The following TIAM2 variants were observed in gnomAD, a reference collection of about 807,000 sequenced individuals.
The protein encoded by TIAM2 is rho guanine nucleotide exchange factor TIAM2.
A neutral mutation model predicts 152.9 loss-of-function variants in TIAM2; 80 were observed. That is an observed-to-expected ratio of 0.52 (90% confidence interval 0.44 to 0.63). The LOEUF is 0.63. Ranked by LOEUF, TIAM2 falls within the 30% of genes least tolerant of loss-of-function variation. TIAM2 has a pLI of 0.00. For synonymous variants in TIAM2, 804 were observed against 838.0 expected, an observed-to-expected ratio of 0.96 and a Z score of 0.70; for missense variants, 1,965 against 2,120.1, an observed-to-expected ratio of 0.93 and a Z score of 1.44.
chr6:155,163,279 C>G (rs1272861783), intron 7 of TIAM2, among the ~76,000 whole-genome samples: 10 of 152,200 alleles, frequency 6.6e-5, no homozygotes, highest in Admixed American at 6.5e-4. Flanking sequence ...TGAGATTGCG[C>G]TCAACAGCTT....
chr6:155,115,852 C>T (rs146052456), intron 2 of TIAM2, among the ~76,000 whole-genome samples: 228 of 152,340 alleles, frequency 1.5e-3, no homozygotes, highest in African/African-American at 5.2e-3. Flanking sequence ...GGCGTGGTGG[C>T]TCACGCCTGT....
chr6:155,105,100 G>A (rs1245818305), intron 2 of TIAM2, among the ~76,000 whole-genome samples: 3 of 151,972 alleles, frequency 2.0e-5, no homozygotes, highest in African/African-American at 7.3e-5. Flanking sequence ...GGGACTACTG[G>A]CATGCACTAC....
intron 15 of TIAM2, among the ~76,000 whole-genome samples, chr6:155,231,821 T>C (rs1376642996): frequency 6.6e-6 from 1 of 152,236 alleles, no homozygotes; most frequent in Non-Finnish European, 1.5e-5. Flanking sequence ...GCGCCTGTAA[T>C]CCCAGTATTT....
intron 1 of TIAM2, among the ~76,000 whole-genome samples, chr6:155,062,966 ATGAAGTG>A (rs1207251720): frequency 2.6e-5 from 4 of 152,130 alleles, no homozygotes; most frequent in Admixed American, 2.6e-4. Flanking sequence ...GTCTTCTCTG[ATGAAGTG>A]TCTGTTCAGA....
rs765786977 is a variant in TIAM2 at position 155,245,661 on chromosome 6, C to T, written c.3582C>T (p.Tyr1194=). The part of the protein sequence containing the change: ...LFSLGGSFLY[Y]ADHFKLYSGF... The stretch of plus-strand genomic sequence containing the variant: ...CCCTTGGAGGCTCTTTCCTTTATTA[C>T]GCGGACCACTTTAAACTGTACAGTG... Residue 1194 remains tyrosine, a synonymous_variant, in exon 19 of 27, where the codon TAC becomes TAT. Transcript: ENST00000682666. 52 of 1,613,876 alleles carry T rather than the reference C, an allele frequency of 3.2e-5. No homozygotes were observed. The Middle Eastern group carries it at 4.9e-4, about 15-fold the overall frequency.
intron 1 of TIAM2, among the ~76,000 whole-genome samples, chr6:155,016,740 A>G (rs996969853): frequency 6.6e-6 from 1 of 151,656 alleles, no homozygotes; most frequent in Non-Finnish European, 1.5e-5. Flanking sequence ...TCTACTAAAA[A>G]TACAAAAAAA....
chr6:155,167,952 A>G (rs975704567), intron 9 of TIAM2, among the ~76,000 whole-genome samples: 2 of 152,220 alleles, frequency 1.3e-5, no homozygotes, highest in African/African-American at 4.8e-5. Flanking sequence ...TGAGCCTAAT[A>G]TGGTTTTTAC....
chr6:155,194,197 C>T lies in TIAM2; in HGVS notation c.3064+10697C>T, dbSNP rs114803532. Among the ~76,000 whole-genome samples, 1,069 of 152,168 alleles carry T rather than the reference C, an allele frequency of 7.0e-3. 15 individuals are homozygous for T. The highest frequency in any genetic ancestry group is 0.023 in the African/African-American group (969 of 41,516). Reference sequence around the variant, plus strand: ...AGGCGCAGAGAAGCCGGGAGGAGGCCGGGGCTGTCTAGCTGTGGGGAGGTG... The same window carrying T: ...AGGCGCAGAGAAGCCGGGAGGAGGCTGGGGCTGTCTAGCTGTGGGGAGGTG... On this transcript the variant is annotated intron_variant, in intron 14 of 26. Coordinates refer to ENST00000682666, the MANE Select transcript of TIAM2 (RefSeq NM_012454.4).
rs1244696675 is a variant in TIAM2 at position 155,137,395 on chromosome 6, C to T, written c.1413C>T (p.Thr471=). 6.2e-7 allele frequency: 1 copy of T among 1,614,174 alleles called. No homozygotes were observed. Among genetic ancestry groups the T allele is most frequent in the Non-Finnish European group, 8.5e-7 (1 of 1,180,024 alleles). The change falls in exon 5 of 27, where the codon ACC becomes ACT. Residue 471 remains threonine (T), a synonymous_variant. Transcript: ENST00000682666. ...TGCGAGAGTTGGAAATGAGCAGGAC[C>T]AACACTGAGAACATAGAAACATCTA... ...NFMRELEMSR[T]NTENIETSTE... is the part of the protein sequence containing the mutation.
intron 1 of TIAM2, among the ~76,000 whole-genome samples, chr6:155,049,943 G>A (rs1777282165): frequency 6.6e-6 from 1 of 152,100 alleles, no homozygotes; most frequent in Non-Finnish European, 1.5e-5. Flanking sequence ...TAGGACTTTT[G>A]CAGCTCACCG....
chr6:155,118,860 TG>T (rs111853016), intron 2 of TIAM2, among the ~76,000 whole-genome samples: 59,388 of 149,494 alleles, frequency 0.4, 12,853 homozygotes, highest in East Asian at 0.65. Context: ...TGAATGTGTG[TG>T]CTTTTTTTTT....
intron 1 of TIAM2, among the ~76,000 whole-genome samples, chr6:155,042,865 TACTC>T (rs1450101953): frequency 6.6e-6 from 1 of 152,184 alleles, no homozygotes; most frequent in Non-Finnish European, 1.5e-5. Flanking sequence ...CTCTTGAACT[TACTC>T]CTCCCGTCTA....
chr6:155,110,289 TC>T (rs1233240828), intron 2 of TIAM2, among the ~76,000 whole-genome samples: 1 of 149,852 alleles, frequency 6.7e-6, no homozygotes, highest in Admixed American at 6.7e-5. Context: ...CCTTTGTCCA[TC>T]CTTCCTTCTT....
At chr6:155,133,381 C>CA (rs1489197929) in intron 4 of TIAM2, among the ~76,000 whole-genome samples, 4 of 152,006 alleles carry the variant, frequency 2.6e-5, no homozygotes, top group Non-Finnish European at 4.4e-5. Context: ...GCAACAACAA[C>CA]AAAAAACTGG....
intron 4 of TIAM2, among the ~76,000 whole-genome samples, chr6:155,136,617 T>C (rs1389308049): frequency 6.6e-6 from 1 of 152,158 alleles, no homozygotes; most frequent in African/African-American, 2.4e-5. Context: ...ACTAGAGATC[T>C]CAAAGTCTAG....
At chr6:155,230,136 C>T (rs907297614) in intron 15 of TIAM2, among the ~76,000 whole-genome samples, 5 of 151,972 alleles carry the variant, frequency 3.3e-5, no homozygotes, top group African/African-American at 4.8e-5. Context: ...GCTGTGTGTC[C>T]AGTAGGCAAC....
chr6:155,154,918 A>T (rs80161442), intron 7 of TIAM2, among the ~76,000 whole-genome samples: 1 of 152,330 alleles, frequency 6.6e-6, no homozygotes, highest in African/African-American at 2.4e-5. Flanking sequence ...GCAACTGGTG[A>T]AGAGAACAAT....
intron 2 of TIAM2, among the ~76,000 whole-genome samples, chr6:155,094,754 G>GT (rs1333712996): frequency 3.0e-4 from 42 of 140,976 alleles, no homozygotes; most frequent in African/African-American, 6.0e-4. Context: ...TTGTTTTTTT[G>GT]TTTTTTTTTG....
chr6:155,122,904 T>C (rs2115026250), intron 2 of TIAM2, among the ~76,000 whole-genome samples: 1 of 152,310 alleles, frequency 6.6e-6, no homozygotes, highest in African/African-American at 2.4e-5. Context: ...TTTTAAATTT[T>C]TTTCAGCCCC....
Sources: gnomAD v4.1 joint callset for allele counts (sites outside exome capture counted in the v4.1 genomes callset) on GRCh38, gnomAD v4.1.1 for gene constraint, MANE v1.5 for transcripts, NCBI Gene and HGNC (gene_info 2026-07-23, HGNC 2026-07-21) for gene names.